KIFC2: variants seen among roughly 807,000 people sequenced by gnomAD.
KIFC2 encodes the protein kinesin family member C2.
In KIFC2, 94 loss-of-function variants were observed where a neutral mutation model predicts 91.5. The ratio of observed to expected loss-of-function variants is 1.03; its 90% CI spans 0.87 to 1.22. KIFC2 has a LOEUF of 1.22. Among genes scored for constraint, KIFC2 ranks in the 50% most tolerant of loss-of-function variants. The pLI, the probability that KIFC2 is intolerant of heterozygous loss-of-function variation, is 0.00. For missense variants in KIFC2, 1,357 were observed against 1,103.3 expected (o/e 1.23, Z -3.26); for synonymous variants, 729 against 503.9 (o/e 1.45, Z -5.98).
chr8:144,468,229 C>A, intron 7 of KIFC2, 100 bp from the exon 8 acceptor site: 2 of 1,182,058 alleles, frequency 1.7e-6, no homozygotes, highest in South Asian at 1.4e-5. Context: ...CATGGGTTCA[C>A]AGCCAGCTCT....
chr8:144,471,340 C>T (rs1294024828), intron 12 of KIFC2, among the ~76,000 whole-genome samples: 1 of 144,102 alleles, frequency 6.9e-6, no homozygotes, highest in African/African-American at 2.5e-5. Context: ...TTTGGACAGT[C>T]ACACTTTGTC....
intron 12 of KIFC2, among the ~76,000 whole-genome samples, chr8:144,471,695 A>G (rs1198244584): frequency 6.6e-6 from 1 of 152,140 alleles, no homozygotes; most frequent in Non-Finnish European, 1.5e-5. Flanking sequence ...GAGCCTCTGC[A>G]TAGGCTGTTC....
At chr8:144,469,439 T>C (rs1824836924) in intron 11 of KIFC2, 51 bp from the exon 12 acceptor site, 1 of 1,613,208 alleles carries the variant, frequency 6.2e-7, no homozygotes. Flanking sequence ...GTGCAGCTTC[T>C]CTGTGCTTTA....
intron 12 of KIFC2, among the ~76,000 whole-genome samples, chr8:144,469,905 C>T (rs1213245453): frequency 6.6e-6 from 1 of 152,230 alleles, no homozygotes; most frequent in East Asian, 1.9e-4. Flanking sequence ...TATGAGGGCC[C>T]CTCATTGCTT....
In KIFC2 at chr8:144,473,167, C is replaced by T. The variant is rs888715530; in HGVS notation, c.2154C>T (p.Val718=). Residue 718 remains valine, a synonymous_variant, in exon 18 of 18, where the codon GTC becomes GTT. Coordinates refer to ENST00000645548, the MANE Select transcript of KIFC2 (RefSeq NM_001369769.2). ...STRPEDLGET[V]CSLKFADRVG... Reference sequence around the variant, plus strand: ...GGCCGGAGGATCTCGGGGAGACAGTCTGCTCCCTCAAGTTCGCCGACCGAG... The same window carrying T: ...GGCCGGAGGATCTCGGGGAGACAGTTTGCTCCCTCAAGTTCGCCGACCGAG... 6.3e-7 allele frequency: 1 copy of T among 1,575,418 alleles called. No homozygotes were observed.
chr8:144,472,931 A>C lies in KIFC2; in HGVS notation c.1998A>C (p.Leu666=). ...CCATAAACCGCTCGCTGCTGGCGCTAGGAGGCGTGATGGCCGCACTGCGGG... is the reference window on the plus strand; with the variant it reads ...CCATAAACCGCTCGCTGCTGGCGCTCGGAGGCGTGATGGCCGCACTGCGGG... ...AQTINRSLLA[L]GGVMAALRAH... The change falls in exon 17 of 18, where the codon CTA becomes CTC. Residue 666 remains leucine (L), a synonymous_variant. Coordinates refer to ENST00000645548, the MANE Select transcript of KIFC2 (RefSeq NM_001369769.2). 5.4e-6 allele frequency: 8 copies of C among 1,487,248 alleles called. No individual in the cohort carries two copies. The highest frequency in any genetic ancestry group is 7.1e-6 in the Non-Finnish European group (8 of 1,129,616). 92.1% of individuals were successfully genotyped at this position (1,487,248 alleles called of 1,614,324 possible).
In KIFC2 at chr8:144,466,513, G is replaced by C; in HGVS notation, c.94G>C (p.Ala32Pro). ...GGCGGCCGCGGAGCCCGGGGACCCC[G>C]CCCAGGTGAGCGGGGCTGGCCGTGC... The part of the protein sequence containing the change: ...AAAAAEPGDP[A>P]QRARKPRGRR... The change falls in exon 1 of 18, where the codon GCC becomes CCC. Residue 32 changes from alanine (A) to proline (P), a missense_variant. Physicochemically the swap from Ala to Pro is conservative, Grantham distance 27 (BLOSUM62 -1). Coordinates refer to ENST00000645548, the MANE Select transcript of KIFC2 (RefSeq NM_001369769.2). The C allele has an allele frequency of 7.8e-7, 1 of 1,281,466 alleles. No homozygotes were observed. Among genetic ancestry groups the C allele is most frequent in the Non-Finnish European group, 9.9e-7 (1 of 1,006,534 alleles). 79.4% of individuals were successfully genotyped at this position (1,281,466 alleles called of 1,614,324 possible).
chr8:144,466,959 C>T lies in KIFC2; in HGVS notation c.179C>T (p.Ala60Val), dbSNP rs776124283. ...TCCCGCCCTCCTCCCTGACCGGCAGCCAGCTCCGAGCCTGAGGATGGGTCG... is the reference window on the plus strand; with the variant it reads ...TCCCGCCCTCCTCCCTGACCGGCAGTCAGCTCCGAGCCTGAGGATGGGTCG... ...ELWTELTGLA[A>V]SSEPEDGSEG... Residue 60 changes from alanine to valine, a missense_variant and splice_region_variant, in exon 3 of 18, where the codon GCC (alanine) becomes GTC (valine). Ala to Val is a moderately conservative substitution (Grantham distance 64, BLOSUM62 0). Transcript: ENST00000645548. 43 of 1,592,080 alleles carry T rather than the reference C, an allele frequency of 2.7e-5. No individual in the cohort carries two copies. The East Asian group carries it at 9.0e-4, about 33-fold the overall frequency.
rs751290604 is a variant in KIFC2 at position 144,466,854 on chromosome 8, G to C, written c.178+16G>C. The C allele has an allele frequency of 6.5e-7, 1 of 1,536,708 alleles. No homozygotes were observed. Among genetic ancestry groups the C allele is most frequent in the Non-Finnish European group, 8.7e-7 (1 of 1,147,910 alleles). On this transcript the variant is annotated intron_variant, in intron 2 of 17. Transcript: ENST00000645548. ...GGCCTGGCCGGTAGGTGCGGGCTGG[G>C]AGTCCCGCGGTGCGAGGGCGGTGCC...
rs1173955373 is a variant in KIFC2, at chr8:144,473,172, C to T, written c.2159C>T (p.Ser720Phe). The part of the protein sequence containing the change: ...RPEDLGETVC[S>F]LKFADRVGQV... Reference sequence around the variant, plus strand: ...GAGGATCTCGGGGAGACAGTCTGCTCCCTCAAGTTCGCCGACCGAGTGGGT... The same window carrying T: ...GAGGATCTCGGGGAGACAGTCTGCTTCCTCAAGTTCGCCGACCGAGTGGGT... Residue 720 changes from serine (S) to phenylalanine (F), a missense_variant, in exon 18 of 18, where the codon TCC (serine) becomes TTC (phenylalanine). Physicochemically the swap from Ser to Phe is radical, Grantham distance 155. Coordinates refer to ENST00000645548, the MANE Select transcript of KIFC2 (RefSeq NM_001369769.2). 2 of 1,577,838 alleles carry T rather than the reference C, an allele frequency of 1.3e-6. No individual in the cohort carries two copies. Among genetic ancestry groups the T allele is most frequent in the Non-Finnish European group, 1.7e-6 (2 of 1,162,538 alleles).
rs552208340 is a variant in KIFC2, at chr8:144,468,812, C to T, written c.1091C>T (p.Ser364Leu). The stretch of plus-strand genomic sequence containing the variant: ...ACCTTTACCCAGAGCTGTCAGGGTT[C>T]GCTGAGTGAGGCCCGGGGCCAGGTC... ...VSTFTQSCQGSLSEARGQVSW... is the reference protein window; with the variant it reads ...VSTFTQSCQGLLSEARGQVSW... Residue 364 changes from serine (S) to leucine (L), a missense_variant, in exon 10 of 18, where the codon TCG becomes TTG. Physicochemically the swap from Ser to Leu is moderately radical, Grantham distance 145. Coordinates refer to ENST00000645548, the MANE Select transcript of KIFC2 (RefSeq NM_001369769.2). The T allele has an allele frequency of 2.7e-5, 43 of 1,613,764 alleles. No individual in the cohort carries two copies. Among genetic ancestry groups the T allele is most frequent in the East Asian group, 8.9e-5 (4 of 44,894 alleles).
rs1239505821 is a variant in KIFC2, at chr8:144,469,535, G to A, written c.1268G>A (p.Ser423Asn). The A allele has an allele frequency of 1.2e-6, 2 of 1,613,962 alleles. No individual in the cohort carries two copies. Among genetic ancestry groups the A allele is most frequent in the Non-Finnish European group, 8.5e-7 (1 of 1,180,028 alleles). Reference sequence around the variant, plus strand: ...CGGCTGAGGCCAGGGACATCTTCTAGCCTTGTGAGTGTGGAGCCTGGCCCA... The same window carrying A: ...CGGCTGAGGCCAGGGACATCTTCTAACCTTGTGAGTGTGGAGCCTGGCCCA... ...LCRLRPGTSS[S>N]LVSVEPGPGG... The change falls in exon 12 of 18, where the codon AGC becomes AAC. Residue 423 changes from serine to asparagine, a missense_variant. Physicochemically the swap from Ser to Asn is conservative, Grantham distance 46. Transcript: ENST00000645548.
Position 144,466,994 on chromosome 8 carries a change from G to A in KIFC2, c.214G>A (p.Ala72Thr). The change falls in exon 3 of 18, where the codon GCC becomes ACC. Residue 72 changes from alanine to threonine, a missense_variant. Transcript: ENST00000645548. Reference protein sequence around the residue: ...SEPEDGSEGAAEGRAAAVSLE... With the variant: ...SEPEDGSEGATEGRAAAVSLE... ...GCCTGAGGATGGGTCGGAAGGCGCAGCCGAGGGCCGCGCGGCCGCGGTGTC... is the reference window on the plus strand; with the variant it reads ...GCCTGAGGATGGGTCGGAAGGCGCAACCGAGGGCCGCGCGGCCGCGGTGTC... The A allele has an allele frequency of 6.3e-7, 1 of 1,596,972 alleles. No individual in the cohort carries two copies. The highest frequency in any genetic ancestry group is 8.5e-7 in the Non-Finnish European group (1 of 1,176,246).
intron 10 of KIFC2, 115 bp downstream of exon 10, chr8:144,468,949 A>G: frequency 1.2e-6 from 1 of 812,852 alleles, no homozygotes; most frequent in South Asian, 1.7e-5. Flanking sequence ...TGGAACCCAA[A>G]CAGCTTCTGT....
rs746892737 is a variant in KIFC2 at position 144,473,401 on chromosome 8, G to T, written c.*12G>T. The T allele has an allele frequency of 6.4e-7, 1 of 1,572,280 alleles. No homozygotes were observed. On this transcript the variant is annotated 3_prime_UTR_variant, in exon 18 of 18. Transcript: ENST00000645548. ...GCCTGCCCCTCTAGTCCTGGGTCGC[G>T]GCCCTGCCCATGGGGTCTCAGGCCA...
chr8:144,468,190 G>C, intron 7 of KIFC2, 139 bp from the exon 8 acceptor site: 1 of 1,021,716 alleles, frequency 9.8e-7, no homozygotes, highest in Non-Finnish European at 1.4e-6. Flanking sequence ...GAGGGACTGT[G>C]GGAAGGAGGT....
At chr8:144,468,483 GGCCTGGTAAGT>G in intron 8 of KIFC2, 42 bp from the exon 9 acceptor site, 1 of 1,561,362 alleles carries the variant, frequency 6.4e-7, no homozygotes, top group South Asian at 1.1e-5. Flanking sequence ...TCTGAGGCAG[GGCCTGGTAAGT>G]GCCTGTTTCC....
intron 7 of KIFC2, 67 bp downstream of exon 7, chr8:144,468,054 C>G (rs1824757410): frequency 1.6e-5 from 23 of 1,469,422 alleles, no homozygotes; most frequent in Admixed American, 2.8e-5. Context: ...CATGCAGCCA[C>G]AGGGCCCGAG....
In KIFC2 at chr8:144,474,149, G is replaced by C; in HGVS notation, c.*760G>C. ...TGCTGCCTGGTGTTTCGAGGCTGCT[G>C]TGGTCGCAGACAGCCGCCTCGCCTT... On this transcript the variant is annotated 3_prime_UTR_variant, in exon 18 of 18. Coordinates refer to ENST00000645548, the MANE Select transcript of KIFC2 (RefSeq NM_001369769.2). 9.7e-7 allele frequency: 1 copy of C among 1,026,030 alleles called. No individual in the cohort carries two copies. The highest frequency in any genetic ancestry group is 1.7e-5 in the South Asian group (1 of 60,166). The allele number at this position is 1,026,030 out of a possible 1,614,324, so 63.6% of individuals were successfully genotyped here. A position where few individuals can be genotyped will look rare whatever the true frequency, so the allele number is the denominator to read the frequency against.
Sources: gnomAD v4.1 joint callset for allele counts (sites outside exome capture counted in the v4.1 genomes callset) on GRCh38, gnomAD v4.1.1 for gene constraint, MANE v1.5 for transcripts, NCBI Gene and HGNC (gene_info 2026-07-23, HGNC 2026-07-21) for gene names.